Variants in NAV3 observed in about 807,000 individuals in gnomAD.
The protein encoded by NAV3 is pore membrane and/or filament interacting like protein 1.
In NAV3, 87 loss-of-function variants were observed where a neutral mutation model predicts 244.7. The observed-to-expected ratio is 0.36, with a 90% CI of 0.30 to 0.42. The LOEUF is 0.42. Among genes scored for constraint, NAV3 ranks in the 20% least tolerant of loss-of-function variants. NAV3 has a pLI of 1.00. For missense variants in NAV3, 2,663 were observed against 2,893.3 expected, an observed-to-expected ratio of 0.92 and a Z score of 1.83; for synonymous variants, 1,126 against 1,042.2, an observed-to-expected ratio of 1.08 and a Z score of -1.55.
intron 2 of NAV3, among the ~76,000 whole-genome samples, chr12:77,653,253 C>G (rs1422201833): frequency 6.6e-6 from 1 of 152,122 alleles, no homozygotes; most frequent in Non-Finnish European, 1.5e-5. Flanking sequence ...GTCCCTGTTC[C>G]CCTTTCTATC....
intron 16 of NAV3, among the ~76,000 whole-genome samples, chr12:78,125,784 A>C (rs1955880590): frequency 6.6e-6 from 1 of 152,184 alleles, no homozygotes; most frequent in African/African-American, 2.4e-5. Flanking sequence ...TAAAGCTTTA[A>C]ATTATTATGG....
At chr12:78,032,782 T>G (rs1879214883) in intron 9 of NAV3, among the ~76,000 whole-genome samples, 2 of 152,198 alleles carry the variant, frequency 1.3e-5, no homozygotes, top group Non-Finnish European at 2.9e-5. Flanking sequence ...ACAGAAAGAA[T>G]TTGTCCTCAG....
intron 1 of NAV3, among the ~76,000 whole-genome samples, chr12:77,891,429 A>G (rs140084556): frequency 2.3e-3 from 352 of 152,102 alleles, no homozygotes; most frequent in African/African-American, 7.7e-3. Context: ...AATATCCTCA[A>G]AAGTGCCTTG....
intron 5 of NAV3, among the ~76,000 whole-genome samples, chr12:77,994,353 A>G (rs900234330): frequency 6.6e-6 from 1 of 152,260 alleles, no homozygotes; most frequent in Non-Finnish European, 1.5e-5. Flanking sequence ...TGAAAAAAGC[A>G]AATTAGAAGA....
At chr12:78,089,222 T>C (rs1044737168) in intron 12 of NAV3, among the ~76,000 whole-genome samples, 1 of 152,146 alleles carries the variant, frequency 6.6e-6, no homozygotes, top group African/African-American at 2.4e-5. Flanking sequence ...TAAGTTCAGA[T>C]TTCTTTTTTC....
At chr12:77,850,099 A>G (rs1350237411) in intron 1 of NAV3, among the ~76,000 whole-genome samples, 1 of 152,198 alleles carries the variant, frequency 6.6e-6, no homozygotes, top group African/African-American at 2.4e-5. Context: ...ATATGTCTTT[A>G]ACATAAAATT....
intron 2 of NAV3, among the ~76,000 whole-genome samples, chr12:77,622,058 AC>A (rs1871393845): frequency 6.6e-6 from 1 of 152,180 alleles, no homozygotes; most frequent in South Asian, 2.1e-4. Context: ...CTAGCAAAGT[AC>A]TTGCCCCAGT....
chr12:78,035,620 T>G (rs1252870867), intron 9 of NAV3, among the ~76,000 whole-genome samples: 2 of 152,228 alleles, frequency 1.3e-5, no homozygotes, highest in Non-Finnish European at 2.9e-5. Context: ...TTTTGTGTTA[T>G]CTGTAACATT....
chr12:77,852,534 C>T (rs1018797342), intron 1 of NAV3, among the ~76,000 whole-genome samples: 1 of 151,476 alleles, frequency 6.6e-6, no homozygotes, highest in South Asian at 2.1e-4. Flanking sequence ...ACGAGACTCC[C>T]TCTCATAAAT....
chr12:77,951,649 G>A (rs1319138953), intron 3 of NAV3, among the ~76,000 whole-genome samples: 1 of 152,130 alleles, frequency 6.6e-6, no homozygotes, highest in Non-Finnish European at 1.5e-5. Context: ...ATTCACAATA[G>A]CAAAGACTTG....
At chr12:77,680,419 G>T (rs890668387) in intron 2 of NAV3, among the ~76,000 whole-genome samples, 1 of 152,074 alleles carries the variant, frequency 6.6e-6, no homozygotes. Context: ...GTGGATTCAT[G>T]GGCTACCTTT....
intron 3 of NAV3, among the ~76,000 whole-genome samples, chr12:77,951,746 A>G (rs1890905858): frequency 6.6e-6 from 1 of 152,192 alleles, no homozygotes; most frequent in Non-Finnish European, 1.5e-5. Flanking sequence ...GCCATAAAAA[A>G]GGGTGAGTTC....
chr12:77,915,387 T>C (rs1887027118), intron 1 of NAV3, among the ~76,000 whole-genome samples: 1 of 151,920 alleles, frequency 6.6e-6, no homozygotes, highest in Non-Finnish European at 1.5e-5. Flanking sequence ...TTGTTTAGGG[T>C]TTCTCTGAAA....
At chr12:77,841,329 A>G (rs1228123052) in intron 1 of NAV3, among the ~76,000 whole-genome samples, 2 of 152,222 alleles carry the variant, frequency 1.3e-5, no homozygotes, top group Non-Finnish European at 1.5e-5. Context: ...GTATTTTGAT[A>G]TTGTAAGTAA....
chr12:77,982,595 T>C (rs553657466), intron 5 of NAV3, among the ~76,000 whole-genome samples: 6 of 152,312 alleles, frequency 3.9e-5, no homozygotes, highest in African/African-American at 1.4e-4. Flanking sequence ...AAATGGGTTC[T>C]GGGTATCTAT....
chr12:77,641,328 G>A (rs924024999), intron 2 of NAV3, among the ~76,000 whole-genome samples: 1 of 151,978 alleles, frequency 6.6e-6, no homozygotes, highest in African/African-American at 2.4e-5. Context: ...GCCGAGTTGG[G>A]ATGACATCAC....
At chr12:77,577,404 C>A (rs987289167) in intron 2 of NAV3, among the ~76,000 whole-genome samples, 6 of 152,112 alleles carry the variant, frequency 3.9e-5, no homozygotes, top group South Asian at 4.2e-4. Context: ...CATATGGCGG[C>A]CTTTTTGCAC....
rs140514383 is a variant in NAV3 at position 78,101,602 on chromosome 12, A to G, written c.2637-15170A>G. On this transcript the variant is annotated intron_variant, in intron 12 of 39. Transcript: ENST00000397909. The stretch of plus-strand genomic sequence containing the variant: ...AATGACTTGTGCTTTTCTTCATGGT[A>G]ATAAAACATTTTCCCAGGAAGTGCT... Among the ~76,000 whole-genome samples, 667 of 152,246 alleles carry G rather than the reference A, an allele frequency of 4.4e-3. 5 individuals are homozygous for G. Among genetic ancestry groups the G allele is most frequent in the African/African-American group, 0.015 (625 of 41,548 alleles).
chr12:77,751,500 T>G (rs1210843695), intron 2 of NAV3, among the ~76,000 whole-genome samples: 1 of 152,202 alleles, frequency 6.6e-6, no homozygotes, highest in East Asian at 1.9e-4. Flanking sequence ...TCACAATATC[T>G]GATGTTTTTA....
Sources: gnomAD v4.1 joint callset for allele counts (sites outside exome capture counted in the v4.1 genomes callset) on GRCh38, gnomAD v4.1.1 for gene constraint, MANE v1.5 for transcripts, NCBI Gene and HGNC (gene_info 2026-07-23, HGNC 2026-07-21) for gene names.